The following GABRD variants were observed in gnomAD, a reference collection of about 807,000 sequenced individuals.
GABRD encodes gamma-aminobutyric acid type A receptor subunit delta.
GABRD carries 25 observed loss-of-function variants against 47.3 expected under a neutral mutation model. The observed-to-expected ratio is 0.53, with a 90% CI of 0.39 to 0.74. GABRD has a LOEUF of 0.74. GABRD is among the 30% of genes least tolerant of loss of function. GABRD has a pLI of 0.00. For synonymous variants in GABRD, 314 were observed against 278.8 expected (o/e 1.13, Z -1.26); for missense variants, 497 against 643.4 (o/e 0.77, Z 2.46).
chr1:2,029,450 TG>T, intron 7 of GABRD, 100 bp from the exon 8 acceptor site: 5 of 1,194,096 alleles, frequency 4.2e-6, no homozygotes, highest in Non-Finnish European at 4.7e-6. Flanking sequence ...GGCATGGGGG[TG>T]GGGGGCAGCG....
intron 1 of GABRD, chr1:2,023,980 C>G (rs1658853059): frequency 6.6e-6 from 1 of 152,240 alleles, no homozygotes; most frequent in Non-Finnish European, 1.5e-5. Context: ...AAACCCTGGC[C>G]TCCCCTGGCC....
chr1:2,030,183 G>A lies in GABRD; in HGVS notation c.1260G>A (p.Arg420=), dbSNP rs1368124808. 1 of 1,566,850 alleles carries A rather than the reference G, an allele frequency of 6.4e-7. No homozygotes were observed. The highest frequency in any genetic ancestry group is 2.3e-5 in the East Asian group (1 of 44,302). ...GGQGGIRARL[R]PIDADTIDIY... ...AGGGGGGCATCCGTGCCCGGCTCAG[G>A]CCCATCGACGCAGACACCATTGACA... Residue 420 remains arginine (R), a synonymous_variant, in exon 9 of 9, where the codon AGG becomes AGA. Transcript: ENST00000378585.
chr1:2,026,468 G>A (rs35627363), intron 4 of GABRD: 9 of 152,362 alleles, frequency 5.9e-5, no homozygotes, highest in East Asian at 1.9e-4. Context: ...ATGTGTGTGC[G>A]CGCATTTGTT....
chr1:2,027,481 G>T, intron 4 of GABRD, 96 bp from the exon 5 acceptor site: 1 of 933,464 alleles, frequency 1.1e-6, no homozygotes. Flanking sequence ...GGGGCTCCAG[G>T]CAGGTGCTCA....
At chr1:2,021,187 C>T (rs563658333) in intron 1 of GABRD, among the ~76,000 whole-genome samples, 1 of 152,338 alleles carries the variant, frequency 6.6e-6, no homozygotes, top group African/African-American at 2.4e-5. Context: ...GCTCCCCTTT[C>T]GCTCTCTAGT....
intron 4 of GABRD, 91 bp downstream of exon 4, chr1:2,025,829 C>T (rs1378445815): frequency 1.6e-5 from 19 of 1,195,258 alleles, no homozygotes; most frequent in Non-Finnish European, 2.3e-5. Flanking sequence ...AAAGCTCGAG[C>T]GGCTTCTGCT....
intron 4 of GABRD, 111 bp downstream of exon 4, chr1:2,025,849 T>G: frequency 1.4e-5 from 13 of 940,086 alleles, no homozygotes; most frequent in Non-Finnish European, 1.9e-5. Flanking sequence ...TGCCGGGAGC[T>G]GGCGGGCGGG....
intron 1 of GABRD, chr1:2,024,475 T>TC (rs1160143513): frequency 1.3e-5 from 2 of 153,476 alleles, no homozygotes; most frequent in African/African-American, 4.8e-5. Flanking sequence ...GCCCCTTGCC[T>TC]CCTCCTCACA....
intron 4 of GABRD, among the ~76,000 whole-genome samples, chr1:2,025,976 G>A (rs1658915061): frequency 6.6e-6 from 1 of 152,252 alleles, no homozygotes; most frequent in African/African-American, 2.4e-5. Flanking sequence ...CCAACACAGT[G>A]CCTTTTGGTT....
At position 2,021,658 on chromosome 1, in the gene GABRD, G is replaced by A. The variant is rs533510988; in HGVS notation, c.68+2167G>A. On this transcript the variant is annotated intron_variant, in intron 1 of 8. Coordinates refer to ENST00000378585, the MANE Select transcript of GABRD (RefSeq NM_000815.5). ...GAGCTTGCCGACTGCATGCCCGCGTGGGTGGCCCTCCCGGGCTGCCGGCAC... is the reference window on the plus strand; with the variant it reads ...GAGCTTGCCGACTGCATGCCCGCGTAGGTGGCCCTCCCGGGCTGCCGGCAC... Among the ~76,000 whole-genome samples, 6 of 152,328 alleles carry A rather than the reference G, an allele frequency of 3.9e-5. 1 individual carries two copies. The South Asian group carries it at 1.2e-3, about 32-fold the overall frequency.
chr1:2,025,495 C>T (rs376827990), intron 3 of GABRD, 23 bp from the exon 4 acceptor site: 90 of 1,611,574 alleles, frequency 5.6e-5, no homozygotes, highest in Non-Finnish European at 7.0e-5. Context: ...GGCTGACCCC[C>T]GGCCCCTGTG....
In GABRD at chr1:2,030,142, G is replaced by T. The variant is rs143031542; in HGVS notation, c.1219G>T (p.Ala407Ser). 6.3e-7 allele frequency: 1 copy of T among 1,578,120 alleles called. No individual in the cohort carries two copies. The highest frequency in any genetic ancestry group is 8.6e-7 in the Non-Finnish European group (1 of 1,161,130). Reference sequence around the variant, plus strand: ...AGGGGAGACGAAGAAGGAGGGGGCAGCCCGCTCAGGAGGCCAGGGGGGCAT... The same window carrying T: ...AGGGGAGACGAAGAAGGAGGGGGCATCCCGCTCAGGAGGCCAGGGGGGCAT... ...ETGETKKEGAARSGGQGGIRA... is the reference protein window; with the variant it reads ...ETGETKKEGASRSGGQGGIRA... The change falls in exon 9 of 9, where the codon GCC becomes TCC. Residue 407 changes from alanine (A) to serine (S), a missense_variant. This residue lies in a region of GABRD where 121 missense variants were observed against 121.3 expected (regional missense o/e 1.00). Transcript: ENST00000378585.
chr1:2,030,503 C>G lies in GABRD; in HGVS notation c.*221C>G. The G allele has an allele frequency of 2.3e-6, 1 of 436,946 alleles. No homozygotes were observed. The highest frequency in any genetic ancestry group is 4.0e-6 in the Non-Finnish European group (1 of 247,908). 27.1% of individuals were successfully genotyped at this position (436,946 alleles called of 1,614,324 possible). On this transcript the variant is annotated 3_prime_UTR_variant, in exon 9 of 9. Coordinates refer to ENST00000378585, the MANE Select transcript of GABRD (RefSeq NM_000815.5). ...GGCTCTCCGGCAGGCAGCCCGAGAC[C>G]TGCACAGATGAAGGAGCAGAGGTTC... is the stretch of plus-strand genomic sequence containing the variant.
At chr1:2,023,270 C>T (rs138929385) in intron 1 of GABRD, among the ~76,000 whole-genome samples, 4 of 151,970 alleles carry the variant, frequency 2.6e-5, no homozygotes, top group African/African-American at 9.7e-5. Context: ...GGGCTGGAGC[C>T]GGAGAGACAG....
At chr1:2,027,448 C>A (rs989103106) in intron 4 of GABRD, 129 bp from the exon 5 acceptor site, 3 of 752,280 alleles carry the variant, frequency 4.0e-6, no homozygotes, top group Non-Finnish European at 7.1e-6. Context: ...GGATTCTGGG[C>A]AAACACAGTC....
intron 4 of GABRD, chr1:2,026,519 T>C (rs927014133): frequency 6.6e-6 from 1 of 152,248 alleles, no homozygotes; most frequent in Admixed American, 6.5e-5. Flanking sequence ...AAAGATGGAA[T>C]TAGTTCATGA....
chr1:2,024,816 C>T, intron 1 of GABRD, 126 bp from the exon 2 acceptor site: 1 of 670,106 alleles, frequency 1.5e-6, no homozygotes, highest in Non-Finnish European at 2.6e-6. Context: ...TGCAAGGGCT[C>T]CCACAGTGGC....
chr1:2,019,762 C>T (rs1322318735), intron 1 of GABRD, among the ~76,000 whole-genome samples: 3 of 152,100 alleles, frequency 2.0e-5, no homozygotes, highest in Non-Finnish European at 4.4e-5. Context: ...CTGGGCTGGG[C>T]GAGGGCGTCG....
At position 2,025,733 on chromosome 1, in the gene GABRD, C is replaced by T. The variant is rs1388648087; in HGVS notation, c.465C>T (p.Ser155=). The part of the protein sequence containing the change: ...RLQPDGVILY[S]IRITSTVACD... ...AGCCCGACGGCGTGATCCTGTACAG[C>T]ATCCGGTGAGCGGGCTGCCCACCCG... is the stretch of plus-strand genomic sequence containing the variant. Residue 155 remains serine (S), a synonymous_variant, in exon 4 of 9, where the codon AGC becomes AGT. Transcript: ENST00000378585. 1 of 1,611,578 alleles carries T rather than the reference C, an allele frequency of 6.2e-7. No homozygotes were observed.
Sources: allele counts gnomAD v4.1 joint callset (sites outside exome capture counted in the v4.1 genomes callset), GRCh38; gene constraint gnomAD v4.1.1; regional missense constraint gnomAD v4.1.1; transcripts MANE v1.5; gene names NCBI Gene and HGNC (gene_info 2026-07-23, HGNC 2026-07-21).